Variants in NCOA3 observed in about 807,000 individuals in gnomAD.
The protein encoded by NCOA3 is CBP-interacting protein.
Under a neutral mutation model 158.8 loss-of-function variants are expected in NCOA3, and 51 were observed. That is an observed-to-expected ratio of 0.32 (90% CI 0.26 to 0.41). The LOEUF is 0.41. NCOA3 is among the 10% of genes least tolerant of loss of function. The pLI is 1.00. For missense variants in NCOA3, 1,510 were observed against 1,746.6 expected (o/e 0.86, Z 2.41); for synonymous variants, 537 against 592.4 (o/e 0.91, Z 1.36).
At chr20:47,564,089 G>A (rs1032563311) in intron 1 of NCOA3, among the ~76,000 whole-genome samples, 1 of 151,824 alleles carries the variant, frequency 6.6e-6, no homozygotes, top group African/African-American at 2.4e-5. Flanking sequence ...GAGTCTGCCT[G>A]AGGGTGAGGC....
Position 47,627,983 on chromosome 20 carries a change from A to G in NCOA3, c.783A>G (p.Pro261=). ...RRITTGERTF[P]SNPESFITRH... ...TTACTACAGGAGAAAGAACATTTCC[A>G]TCAAACCCTGAGAGCTTTATTACCA... Residue 261 remains proline, a synonymous_variant, in exon 8 of 23, where the codon CCA becomes CCG. Transcript: ENST00000371998. 3 of 1,614,078 alleles carry G rather than the reference A, an allele frequency of 1.9e-6. No homozygotes were observed. The highest frequency in any genetic ancestry group is 2.5e-6 in the Non-Finnish European group (3 of 1,179,964).
At chr20:47,586,966 C>T (rs1371840854) in intron 2 of NCOA3, among the ~76,000 whole-genome samples, 3 of 152,160 alleles carry the variant, frequency 2.0e-5, no homozygotes, top group Non-Finnish European at 4.4e-5. Context: ...TTTGCCCTCT[C>T]TTTTGCCAAG....
At chr20:47,570,939 TACAC>T (rs71183265) in intron 1 of NCOA3, among the ~76,000 whole-genome samples, 7,219 of 114,896 alleles carry the variant, frequency 0.063, 294 homozygotes, top group Middle Eastern at 0.12. Context: ...GTAATATATA[TACAC>T]ACACACACAC....
intron 8 of NCOA3, among the ~76,000 whole-genome samples, chr20:47,630,030 G>A (rs6094753): frequency 0.46 from 70,253 of 151,944 alleles, 16,824 homozygotes; most frequent in Middle Eastern, 0.59. Context: ...TGACCTCTGG[G>A]GATATTTTAT....
At position 47,653,857 on chromosome 20, in the gene NCOA3, C is replaced by T. The variant is rs1602554914; in HGVS notation, c.*440C>T. 1 of 172,742 alleles carries T rather than the reference C, an allele frequency of 5.8e-6. No homozygotes were observed. The highest frequency in any genetic ancestry group is 1.6e-4 in the East Asian group (1 of 6,208). The allele number at this position is 172,742 out of a possible 1,614,324, so 10.7% of individuals were successfully genotyped here. A position where few individuals can be genotyped will look rare whatever the true frequency, so the allele number is the denominator to read the frequency against. ...GCAGTATTGGACAAAGAGCATAGTC[C>T]CAGCCTTCAGGTGTAGTAGTTCTGT... On this transcript the variant is annotated 3_prime_UTR_variant, in exon 23 of 23. Coordinates refer to ENST00000371998, the MANE Select transcript of NCOA3 (RefSeq NM_181659.3).
intron 1 of NCOA3, among the ~76,000 whole-genome samples, chr20:47,510,159 G>A (rs1012581943): frequency 6.6e-5 from 10 of 152,012 alleles, no homozygotes; most frequent in African/African-American, 9.7e-5. Context: ...ATGGCCAGGA[G>A]TGGTGGTTCA....
At chr20:47,605,546 C>A (rs887372108) in intron 2 of NCOA3, among the ~76,000 whole-genome samples, 3 of 151,960 alleles carry the variant, frequency 2.0e-5, no homozygotes, top group Non-Finnish European at 4.4e-5. Flanking sequence ...TTTTCACCTT[C>A]CTTTCATGAG....
chr20:47,528,891 A>G (rs1046901757), intron 1 of NCOA3, among the ~76,000 whole-genome samples: 3 of 152,132 alleles, frequency 2.0e-5, no homozygotes, highest in Non-Finnish European at 2.9e-5. Flanking sequence ...CTTGTGCCTC[A>G]GCCTCCCAAG....
At chr20:47,539,987 G>A (rs1215756108) in intron 1 of NCOA3, among the ~76,000 whole-genome samples, 1 of 152,186 alleles carries the variant, frequency 6.6e-6, no homozygotes, top group Non-Finnish European at 1.5e-5. Context: ...TAACAATCAT[G>A]AAACCTTCTA....
At chr20:47,607,934 T>A (rs2085973271) in intron 2 of NCOA3, among the ~76,000 whole-genome samples, 1 of 152,252 alleles carries the variant, frequency 6.6e-6, no homozygotes, top group African/African-American at 2.4e-5. Context: ...ATATATGTTT[T>A]TAATTATTTT....
chr20:47,562,482 C>T (rs6018548), intron 1 of NCOA3, among the ~76,000 whole-genome samples: 20,539 of 151,648 alleles, frequency 0.14, 1,999 homozygotes, highest in African/African-American at 0.26. Flanking sequence ...TCCCTGATGA[C>T]GTGTGATGTG....
Position 47,653,844 on chromosome 20 carries a change from A to G in NCOA3, c.*427A>G, listed in dbSNP as rs2086834991. The G allele has an allele frequency of 1.1e-5, 2 of 182,604 alleles. No individual in the cohort carries two copies. The highest frequency in any genetic ancestry group is 2.3e-5 in the Non-Finnish European group (2 of 87,478). The allele number at this position is 182,604 out of a possible 1,614,324, so 11.3% of individuals were successfully genotyped here. On this transcript the variant is annotated 3_prime_UTR_variant, in exon 23 of 23. Coordinates refer to ENST00000371998, the MANE Select transcript of NCOA3 (RefSeq NM_181659.3). The stretch of plus-strand genomic sequence containing the variant: ...GGTTTCTCTAGTTGCAGTATTGGAC[A>G]AAGAGCATAGTCCCAGCCTTCAGGT...
intron 1 of NCOA3, among the ~76,000 whole-genome samples, chr20:47,550,446 G>GA (rs3091464): frequency 0.75 from 88,760 of 117,680 alleles, 34,572 homozygotes; most frequent in African/African-American, 0.91. Flanking sequence ...CTCCGTCTCA[G>GA]AAAAAAAAAA....
intron 1 of NCOA3, among the ~76,000 whole-genome samples, chr20:47,538,632 G>T (rs936276136): frequency 6.6e-6 from 1 of 151,986 alleles, no homozygotes; most frequent in Non-Finnish European, 1.5e-5. Context: ...CTGCCTCCCG[G>T]GTTCAAGTAA....
chr20:47,633,287 T>C (rs1203838510), intron 8 of NCOA3, among the ~76,000 whole-genome samples: 1 of 152,214 alleles, frequency 6.6e-6, no homozygotes, highest in Non-Finnish European at 1.5e-5. Flanking sequence ...AATGTATTAT[T>C]ATACTCCTTA....
At chr20:47,512,499 C>T (rs572390753) in intron 1 of NCOA3, among the ~76,000 whole-genome samples, 2 of 149,182 alleles carry the variant, frequency 1.3e-5, no homozygotes, top group African/African-American at 5.0e-5. Flanking sequence ...ACCCGGCAGG[C>T]GAAGGTTGCA....
chr20:47,529,302 A>G (rs1288875016), intron 1 of NCOA3, among the ~76,000 whole-genome samples: 1 of 147,960 alleles, frequency 6.8e-6, no homozygotes, highest in African/African-American at 2.5e-5. Context: ...TATTTTTAGT[A>G]GAGATGAGGT....
intron 1 of NCOA3, among the ~76,000 whole-genome samples, chr20:47,522,485 C>T (rs1218156458): frequency 2.0e-5 from 3 of 150,950 alleles, no homozygotes; most frequent in Non-Finnish European, 4.4e-5. Flanking sequence ...AGAAGCTCCC[C>T]CATACAGAGA....
chr20:47,634,253 T>G, intron 10 of NCOA3, 58 bp downstream of exon 10: 1 of 1,514,918 alleles, frequency 6.6e-7, no homozygotes, highest in Non-Finnish European at 9.0e-7. Flanking sequence ...TCAAAATGCT[T>G]TATTATTAAA....
Sources: gnomAD v4.1 joint callset for allele counts (sites outside exome capture counted in the v4.1 genomes callset) on GRCh38, gnomAD v4.1.1 for gene constraint, MANE v1.5 for transcripts, NCBI Gene and HGNC (gene_info 2026-07-23, HGNC 2026-07-21) for gene names.